Variants in KHDRBS2 observed in about 807,000 individuals in gnomAD.
KHDRBS2 encodes the protein KH RNA binding domain containing, signal transduction associated 2, also known as KH domain-containing, RNA-binding, signal transduction-associated protein 2.
A neutral mutation model predicts 44.3 loss-of-function variants in KHDRBS2; 26 were observed. The ratio of observed to expected loss-of-function variants is 0.59; its 90% confidence interval spans 0.43 to 0.81. The LOEUF (loss-of-function observed/expected upper bound fraction) is 0.81, where lower values mean the gene tolerates loss of function less well. Ranked by LOEUF, KHDRBS2 falls within the 40% of genes least tolerant of loss-of-function variation. The pLI is 0.00. For missense variants in KHDRBS2, 476 were observed against 433.1 expected, an observed-to-expected ratio of 1.10 and a Z score of -0.88; for synonymous variants, 194 against 151.1, an observed-to-expected ratio of 1.28 and a Z score of -2.08.
intron 6 of KHDRBS2, among the ~76,000 whole-genome samples, chr6:61,772,689 T>G (rs1381548390): frequency 1.3e-5 from 2 of 152,180 alleles, no homozygotes; most frequent in Non-Finnish European, 2.9e-5. Context: ...GTGCACAATG[T>G]GCACATTAGT....
intron 2 of KHDRBS2, among the ~76,000 whole-genome samples, chr6:62,135,877 G>C (rs1316424688): frequency 6.6e-6 from 1 of 152,010 alleles, no homozygotes; most frequent in Non-Finnish European, 1.5e-5. Context: ...AAAAAGGACT[G>C]TAAGAAACAG....
chr6:61,802,843 GAGAA>G (rs2127590101), intron 6 of KHDRBS2, among the ~76,000 whole-genome samples: 1 of 152,238 alleles, frequency 6.6e-6, no homozygotes, highest in South Asian at 2.1e-4. Flanking sequence ...GGTCACAGAG[GAGAA>G]ACTTAAGGAG....
At chr6:61,719,769 TTA>T (rs1424471882) in intron 7 of KHDRBS2, among the ~76,000 whole-genome samples, 1 of 152,028 alleles carries the variant, frequency 6.6e-6, no homozygotes, top group African/African-American at 2.4e-5. Context: ...ACTCTTTTTT[TTA>T]AATTTATTTA....
At chr6:61,601,679 T>C in the KHDRBS2 span, among the ~76,000 whole-genome samples, 1 of 152,050 alleles carries the variant, frequency 6.6e-6, no homozygotes, top group Non-Finnish European at 1.5e-5. Context: ...ACCCCAAGTG[T>C]TGCTGAGTCT....
At chr6:61,858,047 A>G (rs182867302) in intron 6 of KHDRBS2, among the ~76,000 whole-genome samples, 1 of 152,114 alleles carries the variant, frequency 6.6e-6, no homozygotes, top group Admixed American at 6.6e-5. Flanking sequence ...GAAGAATAAA[A>G]TGCATTCAAG....
intron 2 of KHDRBS2, among the ~76,000 whole-genome samples, chr6:62,081,725 A>T (rs1797435361): frequency 6.6e-6 from 1 of 152,116 alleles, no homozygotes; most frequent in Non-Finnish European, 1.5e-5. Context: ...CTATGCAATT[A>T]AATTGTTCCT....
chr6:61,689,689 C>G (rs1767186124), intron 8 of KHDRBS2, among the ~76,000 whole-genome samples: 1 of 151,928 alleles, frequency 6.6e-6, no homozygotes. Flanking sequence ...CTGGGATCTT[C>G]CTGGACAATC....
At chr6:62,270,223 T>C (rs896329680) in intron 1 of KHDRBS2, among the ~76,000 whole-genome samples, 1 of 151,780 alleles carries the variant, frequency 6.6e-6, no homozygotes, top group Non-Finnish European at 1.5e-5. Flanking sequence ...AAGAGTAAGT[T>C]CTCACTCTAT....
At chr6:61,965,525 A>C (rs1292385927) in intron 4 of KHDRBS2, among the ~76,000 whole-genome samples, 1 of 152,064 alleles carries the variant, frequency 6.6e-6, no homozygotes, top group Non-Finnish European at 1.5e-5. Context: ...ATGGGGATTA[A>C]AAAGCAAGAG....
At position 61,835,755 on chromosome 6, in the gene KHDRBS2, T is replaced by C. The variant is rs147605979; in HGVS notation, c.810+58880A>G. The stretch of plus-strand genomic sequence containing the variant: ...TGTGTGTGTGCATGAGAGAGAAAGA[T>C]TGAGAGAGAGAGAGAGAGACTTCTA... On this transcript the variant is annotated intron_variant, in intron 6 of 8. Transcript: ENST00000281156. Among the ~76,000 whole-genome samples the C allele has an allele frequency of 4.4e-4, 62 of 141,582 alleles. No individual in the cohort carries two copies. In the East Asian group the frequency reaches 5.8e-3, roughly 13 times the overall value. 92.9% of individuals were successfully genotyped at this position (141,582 alleles called of 152,430 possible).
intron 4 of KHDRBS2, among the ~76,000 whole-genome samples, chr6:61,944,706 C>A (rs1242501586): frequency 6.6e-6 from 1 of 151,892 alleles, no homozygotes; most frequent in Non-Finnish European, 1.5e-5. Context: ...TGATGGATAC[C>A]CCAATTACCC....
intron 3 of KHDRBS2, among the ~76,000 whole-genome samples, chr6:62,007,595 T>C (rs1383536243): frequency 6.6e-6 from 1 of 152,100 alleles, no homozygotes; most frequent in Non-Finnish European, 1.5e-5. Context: ...ACTAAATGTA[T>C]AATTAATATT....
At chr6:62,008,426 G>C (rs1380013274) in intron 3 of KHDRBS2, among the ~76,000 whole-genome samples, 1 of 152,120 alleles carries the variant, frequency 6.6e-6, no homozygotes, top group African/African-American at 2.4e-5. Flanking sequence ...AAATATATAT[G>C]TACATAACTT....
At chr6:61,681,527 T>C (rs1766299189) in intron 8 of KHDRBS2, among the ~76,000 whole-genome samples, 1 of 151,876 alleles carries the variant, frequency 6.6e-6, no homozygotes, top group Admixed American at 6.6e-5. Flanking sequence ...ACTCCCCAGA[T>C]GATAGTTATA....
chr6:62,142,486 C>T (rs773892179), intron 2 of KHDRBS2, among the ~76,000 whole-genome samples: 4 of 151,958 alleles, frequency 2.6e-5, no homozygotes, highest in African/African-American at 7.2e-5. Context: ...CCACTGTGTT[C>T]GTTTTACGTG....
At chr6:61,976,608 T>C (rs1772722589) in intron 4 of KHDRBS2, among the ~76,000 whole-genome samples, 1 of 152,156 alleles carries the variant, frequency 6.6e-6, no homozygotes, top group South Asian at 2.1e-4. Context: ...AGTCCTTTCA[T>C]ATGCATTACC....
At chr6:62,201,733 T>C (rs1827035450) in intron 1 of KHDRBS2, among the ~76,000 whole-genome samples, 1 of 152,094 alleles carries the variant, frequency 6.6e-6, no homozygotes, top group Non-Finnish European at 1.5e-5. Context: ...TTGTGCCTAA[T>C]ACCTTAAGCT....
At position 61,782,245 on chromosome 6, in the gene KHDRBS2, GT is replaced by G. The variant is rs773649343; in HGVS notation, c.811-49482del. Among the ~76,000 whole-genome samples the G allele has an allele frequency of 2.0e-5, 3 of 151,918 alleles. No individual in the cohort carries two copies. In the East Asian group the frequency reaches 5.8e-4, roughly 29 times the overall value. On this transcript the variant is annotated intron_variant, in intron 6 of 8. Coordinates refer to ENST00000281156, the MANE Select transcript of KHDRBS2 (RefSeq NM_152688.4). ...TGAGGCAGCAGTTATTTAAATTCTT[GT>G]TTTATCAGGATTCAGATTTGAACCT...
chr6:62,203,599 G>A (rs1296174968), intron 1 of KHDRBS2, among the ~76,000 whole-genome samples: 1 of 152,106 alleles, frequency 6.6e-6, no homozygotes, highest in Non-Finnish European at 1.5e-5. Flanking sequence ...AAGATGTTAT[G>A]AGCTTGAGAT....
Sources: allele counts gnomAD v4.1 joint callset (sites outside exome capture counted in the v4.1 genomes callset), GRCh38; gene constraint gnomAD v4.1.1; transcripts MANE v1.5; gene names NCBI Gene and HGNC (gene_info 2026-07-23, HGNC 2026-07-21).